WWOX: variants seen among roughly 807,000 people sequenced by gnomAD.
WWOX encodes the protein WW domain containing oxidoreductase.
Under a neutral mutation model 46.2 loss-of-function variants are expected in WWOX, and 69 were observed. The observed-to-expected ratio is 1.49, with a 90% confidence interval of 1.23 to 1.82. The LOEUF (loss-of-function observed/expected upper bound fraction) is 1.82, where lower values mean the gene tolerates loss of function less well. WWOX is among the 40% of genes most tolerant of loss of function. The pLI is 0.00. For missense variants in WWOX, 919 were observed against 542.6 expected (o/e 1.69, Z -6.89); for synonymous variants, 359 against 202.6 (o/e 1.77, Z -6.56).
chr16:78,750,634 T>G (rs2049453216), intron 8 of WWOX, among the ~76,000 whole-genome samples: 1 of 152,130 alleles, frequency 6.6e-6, no homozygotes, highest in African/African-American at 2.4e-5. Flanking sequence ...AATCCTTTTC[T>G]CCTTCCCTCC....
intron 8 of WWOX, among the ~76,000 whole-genome samples, chr16:78,665,627 G>A (rs976367118): frequency 2.6e-5 from 4 of 152,046 alleles, no homozygotes; most frequent in African/African-American, 9.7e-5. Flanking sequence ...GTGGGTCCTA[G>A]TGGTAGGACA....
intron 5 of WWOX, among the ~76,000 whole-genome samples, chr16:78,290,492 T>C (rs910272479): frequency 6.6e-6 from 1 of 152,114 alleles, no homozygotes; most frequent in Admixed American, 6.5e-5. Flanking sequence ...TGTTTCAAAC[T>C]CCTGTTGTTC....
intron 8 of WWOX, among the ~76,000 whole-genome samples, chr16:79,093,508 T>C (rs1402179534): frequency 6.6e-6 from 1 of 152,128 alleles, no homozygotes; most frequent in Non-Finnish European, 1.5e-5. Context: ...TTTTCTTTTA[T>C]TAAATGAAAA....
At chr16:78,187,908 AG>A (rs2035760445) in intron 5 of WWOX, among the ~76,000 whole-genome samples, 1 of 152,194 alleles carries the variant, frequency 6.6e-6, no homozygotes, top group South Asian at 2.1e-4. Context: ...GTGACGTAAC[AG>A]GTGTTTCCCA....
At chr16:78,595,547 C>G (rs1477386499) in intron 8 of WWOX, among the ~76,000 whole-genome samples, 2 of 152,222 alleles carry the variant, frequency 1.3e-5, no homozygotes, top group African/African-American at 2.4e-5. Flanking sequence ...TCCTCAATCT[C>G]TCCCTCCCCA....
intron 8 of WWOX, among the ~76,000 whole-genome samples, chr16:78,677,538 T>C (rs1305085623): frequency 6.6e-6 from 1 of 152,196 alleles, no homozygotes; most frequent in Non-Finnish European, 1.5e-5. Flanking sequence ...CAGCCTCTGC[T>C]CTAGGAGGAA....
chr16:78,119,939 G>T lies in WWOX; in HGVS notation c.409+4785G>T, dbSNP rs183481951. On this transcript the variant is annotated intron_variant, in intron 4 of 8. Transcript: ENST00000566780. ...CTTTCACCTTGCGAACCTTTAGAAC[G>T]CTGGGCTGCATCATGTGTGTTGTAA... Among the ~76,000 whole-genome samples the T allele has an allele frequency of 6.0e-4, 92 of 152,178 alleles. 1 individual carries two copies. The highest frequency in any genetic ancestry group is 2.0e-3 in the African/African-American group (82 of 41,520).
chr16:78,967,686 G>A (rs1467505384), intron 8 of WWOX, among the ~76,000 whole-genome samples: 2 of 152,050 alleles, frequency 1.3e-5, no homozygotes, highest in Non-Finnish European at 2.9e-5. Context: ...AGTCTAGTGG[G>A]TGTTAGGTTC....
At chr16:79,003,370 T>G (rs919654093) in intron 8 of WWOX, among the ~76,000 whole-genome samples, 1 of 152,178 alleles carries the variant, frequency 6.6e-6, no homozygotes, top group Admixed American at 6.5e-5. Context: ...ACAGAACATA[T>G]ATGGTTTCAT....
chr16:79,032,086 A>G (rs2047773122), intron 8 of WWOX, among the ~76,000 whole-genome samples: 2 of 144,596 alleles, frequency 1.4e-5, no homozygotes, highest in African/African-American at 5.0e-5. Flanking sequence ...TATATAAAAT[A>G]TATATTATGT....
intron 8 of WWOX, among the ~76,000 whole-genome samples, chr16:78,745,240 G>A (rs1254740609): frequency 1.3e-5 from 2 of 152,164 alleles, no homozygotes; most frequent in Non-Finnish European, 2.9e-5. Flanking sequence ...CCTGTTGGTG[G>A]ACTGATTGAT....
intron 8 of WWOX, among the ~76,000 whole-genome samples, chr16:79,069,970 C>G: frequency 6.6e-6 from 1 of 152,282 alleles, no homozygotes; most frequent in Middle Eastern, 3.4e-3. Flanking sequence ...TCAAGGCAAC[C>G]AATTAGTATT....
At chr16:78,374,766 G>C (rs1312024511) in intron 5 of WWOX, among the ~76,000 whole-genome samples, 1 of 151,912 alleles carries the variant, frequency 6.6e-6, no homozygotes, top group African/African-American at 2.4e-5. Context: ...TAGCCAGGAT[G>C]GTCTTGATCT....
At chr16:79,136,822 G>A (rs574698369) in intron 8 of WWOX, among the ~76,000 whole-genome samples, 3 of 152,160 alleles carry the variant, frequency 2.0e-5, no homozygotes, top group Admixed American at 6.5e-5. Context: ...GTGTTATGCC[G>A]GGAACTTCTT....
intron 8 of WWOX, among the ~76,000 whole-genome samples, chr16:79,162,192 GC>G (rs1438006909): frequency 1.3e-5 from 2 of 152,132 alleles, no homozygotes; most frequent in Admixed American, 6.5e-5. Flanking sequence ...TTTTATATTT[GC>G]CTTTGGGTTG....
chr16:78,452,392 A>C (rs747666122), intron 8 of WWOX, among the ~76,000 whole-genome samples: 1 of 151,528 alleles, frequency 6.6e-6, no homozygotes, highest in Non-Finnish European at 1.5e-5. Context: ...TTTTAATTAG[A>C]TATGTTTGTG....
chr16:79,173,091 A>C, intron 8 of WWOX, among the ~76,000 whole-genome samples: 1 of 152,334 alleles, frequency 6.6e-6, no homozygotes, highest in African/African-American at 2.4e-5. Context: ...TTCTCTGCAG[A>C]AGAATCTTTC....
At chr16:78,831,631 T>C (rs1423752170) in intron 8 of WWOX, among the ~76,000 whole-genome samples, 2 of 152,186 alleles carry the variant, frequency 1.3e-5, no homozygotes, top group Non-Finnish European at 2.9e-5. Flanking sequence ...CTTTCTTTTC[T>C]TGAGTTTTTT....
chr16:78,462,631 C>T (rs7197926), intron 8 of WWOX, among the ~76,000 whole-genome samples: 5,199 of 152,160 alleles, frequency 0.034, 304 homozygotes, highest in African/African-American at 0.12. Flanking sequence ...TCGCCCTTAG[C>T]GGAGGCAGGA....
Sources: allele counts gnomAD v4.1 joint callset (sites outside exome capture counted in the v4.1 genomes callset), GRCh38; gene constraint gnomAD v4.1.1; transcripts MANE v1.5; gene names NCBI Gene and HGNC (gene_info 2026-07-23, HGNC 2026-07-21).